The following STK38L variants were observed in gnomAD, a reference collection of about 807,000 sequenced individuals.
The protein encoded by STK38L is serine/threonine-protein kinase 38-like.
A neutral mutation model predicts 59.7 loss-of-function variants in STK38L; 28 were observed. That is an observed-to-expected ratio of 0.47 (90% CI 0.35 to 0.64). STK38L has a LOEUF of 0.64. Among genes scored for constraint, STK38L ranks in the 30% least tolerant of loss-of-function variants. STK38L has a pLI of 0.01. For missense variants in STK38L, 314 were observed against 555.8 expected (o/e 0.56, Z 4.37); for synonymous variants, 162 against 176.8 (o/e 0.92, Z 0.66).
chr12:27,314,401 CAA>C (rs35096255), intron 6 of STK38L, 101 bp from the exon 7 acceptor site: 20,003 of 662,616 alleles, frequency 0.03, no homozygotes, highest in South Asian at 0.051. Context: ...ACTCTGTCTC[CAA>C]AAAAAAAAAA....
intron 2 of STK38L, chr12:27,300,665 G>A (rs1944145781): frequency 8.8e-6 from 4 of 453,570 alleles, no homozygotes; most frequent in South Asian, 6.2e-5. Context: ...TTGGGGCCTA[G>A]GGGAAATAAT....
intron 1 of STK38L, among the ~76,000 whole-genome samples, chr12:27,249,359 A>T (rs1391965013): frequency 6.6e-6 from 1 of 152,060 alleles, no homozygotes; most frequent in Non-Finnish European, 1.5e-5. Context: ...TATTTTTGAG[A>T]CAGAGTTTCA....
chr12:27,251,470 C>G (rs550088492), intron 1 of STK38L, among the ~76,000 whole-genome samples: 5 of 152,144 alleles, frequency 3.3e-5, no homozygotes, highest in Non-Finnish European at 7.3e-5. Context: ...TGTCTGAGAT[C>G]TCAAAATAAG....
At chr12:27,279,923 A>G (rs1332799198) in intron 1 of STK38L, among the ~76,000 whole-genome samples, 3 of 152,186 alleles carry the variant, frequency 2.0e-5, no homozygotes. Flanking sequence ...TTAGGGAGAC[A>G]GGTTCCAATT....
At chr12:27,277,103 T>C (rs1186132728) in intron 1 of STK38L, among the ~76,000 whole-genome samples, 2 of 152,218 alleles carry the variant, frequency 1.3e-5, no homozygotes, top group Non-Finnish European at 2.9e-5. Flanking sequence ...AATACAAAGC[T>C]ATAAAGTATG....
chr12:27,273,286 C>T (rs1422591422), intron 1 of STK38L, among the ~76,000 whole-genome samples: 2 of 152,056 alleles, frequency 1.3e-5, no homozygotes, highest in Non-Finnish European at 2.9e-5. Flanking sequence ...ATGGTGCCTC[C>T]GTTTCTATAT....
At chr12:27,309,815 G>A (rs1186989581) in intron 5 of STK38L, among the ~76,000 whole-genome samples, 1 of 152,138 alleles carries the variant, frequency 6.6e-6, no homozygotes, top group Non-Finnish European at 1.5e-5. Context: ...ACAGTTCTCA[G>A]CTCCCAGAAT....
At chr12:27,255,429 A>T (rs1174139800) in intron 1 of STK38L, among the ~76,000 whole-genome samples, 2 of 152,230 alleles carry the variant, frequency 1.3e-5, no homozygotes, top group African/African-American at 4.8e-5. Flanking sequence ...AAAAACAAAA[A>T]TACTTAAGAT....
At chr12:27,295,686 G>C (rs963981350) in intron 1 of STK38L, among the ~76,000 whole-genome samples, 1 of 152,170 alleles carries the variant, frequency 6.6e-6, no homozygotes, top group Non-Finnish European at 1.5e-5. Flanking sequence ...TGGAGTAACT[G>C]TTAGGGCCGA....
intron 1 of STK38L, among the ~76,000 whole-genome samples, chr12:27,254,615 C>T (rs1943050130): frequency 6.6e-6 from 1 of 152,060 alleles, no homozygotes; most frequent in Non-Finnish European, 1.5e-5. Flanking sequence ...TAAGGACAAC[C>T]AAAAAGTTAA....
chr12:27,266,696 G>T (rs1389894697), intron 1 of STK38L, among the ~76,000 whole-genome samples: 2 of 152,212 alleles, frequency 1.3e-5, no homozygotes, highest in Non-Finnish European at 2.9e-5. Flanking sequence ...TCTTACTGGA[G>T]AATCCATTCC....
At chr12:27,303,731 A>C (rs933468391) in intron 3 of STK38L, among the ~76,000 whole-genome samples, 1 of 152,168 alleles carries the variant, frequency 6.6e-6, no homozygotes, top group Non-Finnish European at 1.5e-5. Flanking sequence ...TTCATAGAAG[A>C]AGTAATAATT....
intron 1 of STK38L, among the ~76,000 whole-genome samples, chr12:27,267,471 C>G (rs1482327907): frequency 6.6e-6 from 1 of 152,178 alleles, no homozygotes; most frequent in Admixed American, 6.5e-5. Context: ...TGCTTATAGT[C>G]CCAGCTACTG....
In STK38L at chr12:27,297,690, G is replaced by T; in HGVS notation, c.-11-20G>T. The T allele has an allele frequency of 1.9e-6, 3 of 1,582,220 alleles. No individual in the cohort carries two copies. Among genetic ancestry groups the T allele is most frequent in the East Asian group, 2.2e-5 (1 of 44,468 alleles). On this transcript the variant is annotated intron_variant, in intron 1 of 13. Transcript: ENST00000389032. ...GGTTTTTTTTCCCACTGAATAATTT[G>T]TTTTTCTATGTTGTTTCAGTTTCCG...
rs374438057 is a variant in STK38L at position 27,288,042 on chromosome 12, C to T, written c.-11-9668C>T. Among the ~76,000 whole-genome samples the T allele has an allele frequency of 5.1e-4, 78 of 152,200 alleles. No homozygotes were observed. In the East Asian group the frequency reaches 0.013, roughly 26 times the overall value. On this transcript the variant is annotated intron_variant, in intron 1 of 13. Coordinates refer to ENST00000389032, the MANE Select transcript of STK38L (RefSeq NM_015000.4). ...GGACTACAGGTGTGCACCACCATGC[C>T]CAGCTAATTCTGTATTTTTAGTAGA... is the stretch of plus-strand genomic sequence containing the variant.
chr12:27,302,342 TAGA>T, intron 3 of STK38L, 154 bp downstream of exon 3: 1 of 539,432 alleles, frequency 1.9e-6, no homozygotes, highest in Non-Finnish European at 3.2e-6. Context: ...TTGATATCTT[TAGA>T]AGGAGGCAGT....
At chr12:27,255,393 A>G (rs1591846770) in intron 1 of STK38L, among the ~76,000 whole-genome samples, 1 of 152,370 alleles carries the variant, frequency 6.6e-6, no homozygotes, top group East Asian at 1.9e-4. Flanking sequence ...TTTAGAACTT[A>G]CACAAGATAT....
chr12:27,319,326 A>G lies in STK38L; in HGVS notation c.1080-2A>G. 1 of 1,598,236 alleles carries G rather than the reference A, an allele frequency of 6.3e-7. No individual in the cohort carries two copies. The highest frequency in any genetic ancestry group is 8.6e-7 in the Non-Finnish European group (1 of 1,166,536). ...GATAATTTCTCTGTTTCCATGTTGT[A>G]GATTTTGTATTGATTCTGAAAACAG... On this transcript the variant is annotated splice_acceptor_variant, in intron 11 of 13. Coordinates refer to ENST00000389032, the MANE Select transcript of STK38L (RefSeq NM_015000.4). LOFTEE classifies it high-confidence loss of function.
intron 1 of STK38L, among the ~76,000 whole-genome samples, chr12:27,276,850 T>G (rs1284032365): frequency 6.6e-6 from 1 of 152,196 alleles, no homozygotes; most frequent in East Asian, 1.9e-4. Flanking sequence ...CAGATTTTCT[T>G]TAAGTGACAG....
Sources: gnomAD v4.1 joint callset for allele counts (sites outside exome capture counted in the v4.1 genomes callset) on GRCh38, gnomAD v4.1.1 for gene constraint, MANE v1.5 for transcripts, NCBI Gene and HGNC (gene_info 2026-07-23, HGNC 2026-07-21) for gene names.